Variants in CLSTN2 observed in about 807,000 individuals in gnomAD.
CLSTN2 encodes the protein calsyntenin 2.
A neutral mutation model predicts 101.2 loss-of-function variants in CLSTN2; 48 were observed. That is an observed-to-expected ratio of 0.47 (90% CI 0.38 to 0.60). CLSTN2 has a LOEUF of 0.60. CLSTN2 is among the 20% of genes least tolerant of loss of function. The probability of loss-of-function intolerance (pLI) is 0.00; values close to 1 mark genes in which losing one functional copy is unlikely to be tolerated. For synonymous variants in CLSTN2, 481 were observed against 463.6 expected, an observed-to-expected ratio of 1.04 and a Z score of -0.48; for missense variants, 1,160 against 1,238.2, an observed-to-expected ratio of 0.94 and a Z score of 0.95.
chr3:140,306,912 G>A (rs1177052731), intron 2 of CLSTN2, among the ~76,000 whole-genome samples: 3 of 150,184 alleles, frequency 2.0e-5, no homozygotes, highest in Non-Finnish European at 3.0e-5. Flanking sequence ...GTTTCTACAT[G>A]AGTGACATGG....
At chr3:140,360,964 C>G (rs1238506116) in intron 2 of CLSTN2, among the ~76,000 whole-genome samples, 1 of 152,136 alleles carries the variant, frequency 6.6e-6, no homozygotes, top group Non-Finnish European at 1.5e-5. Context: ...TTTACAAACT[C>G]TTTCAGGAAA....
intron 2 of CLSTN2, among the ~76,000 whole-genome samples, chr3:140,369,043 G>C (rs2087823434): frequency 6.6e-6 from 1 of 152,074 alleles, no homozygotes; most frequent in Non-Finnish European, 1.5e-5. Context: ...TGTTTTCTGG[G>C]ACAGTGTGAG....
intron 6 of CLSTN2, 33 bp from the exon 7 acceptor site, chr3:140,459,488 A>G (rs1249581570): frequency 6.2e-7 from 1 of 1,610,074 alleles, no homozygotes; most frequent in African/African-American, 1.3e-5. Flanking sequence ...CCGCATCATG[A>G]CCTGTTATCC....
chr3:140,117,219 C>T (rs1007842385), intron 1 of CLSTN2, among the ~76,000 whole-genome samples: 12 of 152,310 alleles, frequency 7.9e-5, no homozygotes, highest in African/African-American at 2.9e-4. Flanking sequence ...CCCTGCCCGC[C>T]GTGGTTGCCT....
At chr3:140,522,817 GCTTTCCCTGTT>G (rs1489710029) in intron 8 of CLSTN2, among the ~76,000 whole-genome samples, 13 of 152,066 alleles carry the variant, frequency 8.5e-5, no homozygotes, top group African/African-American at 2.7e-4. Flanking sequence ...TTTCAAACCT[GCTTTCCCTGTT>G]CCCTTTCAAA....
At chr3:140,056,096 G>A (rs182856634) in intron 1 of CLSTN2, among the ~76,000 whole-genome samples, 20 of 152,276 alleles carry the variant, frequency 1.3e-4, no homozygotes, top group Admixed American at 5.9e-4. Context: ...GAAGAAAGAC[G>A]GTTTGTTCGC....
At chr3:140,233,819 G>C (rs1233105258) in intron 2 of CLSTN2, among the ~76,000 whole-genome samples, 1 of 152,150 alleles carries the variant, frequency 6.6e-6, no homozygotes, top group Non-Finnish European at 1.5e-5. Flanking sequence ...CTTCCAGAGG[G>C]GAACAGCTGG....
At chr3:140,528,820 TACA>T (rs964218362) in intron 8 of CLSTN2, among the ~76,000 whole-genome samples, 17 of 152,342 alleles carry the variant, frequency 1.1e-4, no homozygotes, top group African/African-American at 3.8e-4. Context: ...GCACCTGGTC[TACA>T]ACACTTATCT....
intron 1 of CLSTN2, among the ~76,000 whole-genome samples, chr3:139,941,497 G>A (rs984410735): frequency 3.9e-5 from 6 of 152,140 alleles, no homozygotes; most frequent in African/African-American, 1.4e-4. Context: ...ACTCTGTCTA[G>A]GGCAAACACT....
chr3:140,532,603 T>C (rs1935280236), intron 9 of CLSTN2, 117 bp downstream of exon 9: 1 of 755,538 alleles, frequency 1.3e-6, no homozygotes, highest in Admixed American at 3.2e-5. Context: ...TTACTACCCC[T>C]TACAAAAAAA....
At chr3:140,031,225 C>T (rs1390880701) in intron 1 of CLSTN2, among the ~76,000 whole-genome samples, 1 of 152,204 alleles carries the variant, frequency 6.6e-6, no homozygotes, top group Non-Finnish European at 1.5e-5. Context: ...CTGGACTTCA[C>T]ATGCAGAATG....
intron 1 of CLSTN2, among the ~76,000 whole-genome samples, chr3:140,033,687 C>T (rs920167425): frequency 6.6e-6 from 1 of 152,188 alleles, no homozygotes; most frequent in Admixed American, 6.5e-5. Context: ...CTTCAGGGTT[C>T]CTGGCTCTCA....
chr3:140,129,293 G>A (rs900493558), intron 1 of CLSTN2, among the ~76,000 whole-genome samples: 4 of 152,112 alleles, frequency 2.6e-5, no homozygotes, highest in Non-Finnish European at 4.4e-5. Flanking sequence ...CAGGAATAAT[G>A]TCTGACACAT....
At chr3:140,496,429 C>T (rs1271524333) in intron 8 of CLSTN2, among the ~76,000 whole-genome samples, 10 of 152,120 alleles carry the variant, frequency 6.6e-5, no homozygotes, top group Admixed American at 4.6e-4. Context: ...ACTTGACTTC[C>T]TCTCTTTCTA....
intron 2 of CLSTN2, among the ~76,000 whole-genome samples, chr3:140,281,029 T>C (rs1384973554): frequency 2.0e-5 from 3 of 152,216 alleles, no homozygotes; most frequent in African/African-American, 7.2e-5. Flanking sequence ...ATATCTGTCC[T>C]GGATGTCTTA....
At position 140,564,006 on chromosome 3, in the gene CLSTN2, T is replaced by C. The variant is rs747049077; in HGVS notation, c.2528T>C (p.Met843Thr). The stretch of plus-strand genomic sequence containing the variant: ...GTGGTCATCATCATCTCCGTGTGCA[T>C]GCTTGTGTTTGTCGTGGCCATGGGT... Reference protein sequence around the residue: ...ATVVIIISVCMLVFVVAMGVY... With the variant: ...ATVVIIISVCTLVFVVAMGVY... Residue 843 changes from methionine (M) to threonine (T), a missense_variant, in exon 16 of 17, where the codon ATG becomes ACG. Met to Thr is a moderately conservative substitution (Grantham distance 81). Coordinates refer to ENST00000458420, the MANE Select transcript of CLSTN2 (RefSeq NM_022131.3). The C allele has an allele frequency of 3.7e-6, 6 of 1,614,070 alleles. No individual in the cohort carries two copies. In the East Asian group the frequency reaches 1.3e-4, roughly 36 times the overall value.
At chr3:139,937,170 A>T (rs1935037201) in intron 1 of CLSTN2, among the ~76,000 whole-genome samples, 1 of 152,204 alleles carries the variant, frequency 6.6e-6, no homozygotes, top group East Asian at 1.9e-4. Context: ...AGATGTCTGC[A>T]AACGGGAGTT....
intron 1 of CLSTN2, among the ~76,000 whole-genome samples, chr3:140,062,672 A>T (rs2008227453): frequency 6.6e-6 from 1 of 152,178 alleles, no homozygotes; most frequent in Non-Finnish European, 1.5e-5. Flanking sequence ...ATGACTCATT[A>T]TGTGACTACT....
intron 2 of CLSTN2, among the ~76,000 whole-genome samples, chr3:140,269,315 T>C (rs926224984): frequency 2.0e-5 from 3 of 152,218 alleles, no homozygotes; most frequent in Non-Finnish European, 4.4e-5. Context: ...GAAAACATTA[T>C]TGGGCCAAAT....
Sources: allele counts gnomAD v4.1 joint callset (sites outside exome capture counted in the v4.1 genomes callset), GRCh38; gene constraint gnomAD v4.1.1; transcripts MANE v1.5; gene names NCBI Gene and HGNC (gene_info 2026-07-23, HGNC 2026-07-21).